The following PCM1 variants were observed in gnomAD, a reference collection of about 807,000 sequenced individuals.
PCM1 encodes the protein pericentriolar material 1 protein.
In PCM1, 157 loss-of-function variants were observed where a neutral mutation model predicts 241.9. The observed-to-expected ratio is 0.65, with a 90% CI of 0.57 to 0.74. The LOEUF is 0.74. Ranked by LOEUF, PCM1 falls within the 30% of genes least tolerant of loss-of-function variation. The pLI is 0.00. For missense variants in PCM1, 3,478 were observed against 2,360.1 expected, an observed-to-expected ratio of 1.47 and a Z score of -9.81; for synonymous variants, 1,085 against 784.9, an observed-to-expected ratio of 1.38 and a Z score of -6.39.
At chr8:18,017,440 T>A (rs533447085) in intron 36 of PCM1, among the ~76,000 whole-genome samples, 1 of 152,234 alleles carries the variant, frequency 6.6e-6, no homozygotes, top group South Asian at 2.1e-4. Context: ...GAGAGAACAT[T>A]AGAACTAGAA....
chr8:17,990,125 T>A, intron 27 of PCM1, 146 bp downstream of exon 27: 2 of 584,536 alleles, frequency 3.4e-6, no homozygotes, highest in Non-Finnish European at 5.4e-6. Flanking sequence ...CAGTCTAAAA[T>A]CAAGAATCTT....
chr8:17,969,553 T>C (rs1337592988), intron 21 of PCM1, 24 bp from the exon 22 acceptor site: 2 of 1,499,574 alleles, frequency 1.3e-6, no homozygotes, highest in Non-Finnish European at 1.8e-6. Context: ...TATTTTTCTC[T>C]TACCCATTGC....
chr8:17,994,385 T>C (rs1025995843), intron 29 of PCM1, among the ~76,000 whole-genome samples: 9 of 152,214 alleles, frequency 5.9e-5, no homozygotes, highest in African/African-American at 2.2e-4. Context: ...TATGGCTGAA[T>C]AGTACTCCAT....
chr8:18,027,164 T>G (rs531761666), intron 38 of PCM1, among the ~76,000 whole-genome samples: 121 of 152,342 alleles, frequency 7.9e-4, no homozygotes, highest in African/African-American at 2.9e-3. Context: ...ACCCTTCAGA[T>G]ATCAGACCTT....
intron 8 of PCM1, among the ~76,000 whole-genome samples, chr8:17,952,316 T>C (rs1048915454): frequency 7.2e-5 from 11 of 152,130 alleles, no homozygotes; most frequent in African/African-American, 2.7e-4. Context: ...AGTTAAAGTT[T>C]ACAGTGGTAG....
rs1418156687 is a variant in PCM1, at chr8:18,005,354, G to GT, written c.4828-907dup. Among the ~76,000 whole-genome samples the GT allele has an allele frequency of 3.8e-4, 40 of 106,156 alleles. 1 individual carries two copies. Among genetic ancestry groups the GT allele is most frequent in the East Asian group, 2.4e-3 (11 of 4,580 alleles). The allele number at this position is 106,156 out of a possible 152,430, so 69.6% of individuals were successfully genotyped here. A position where few individuals can be genotyped will look rare whatever the true frequency, so the allele number is the denominator to read the frequency against. On this transcript the variant is annotated intron_variant, in intron 29 of 38. Coordinates refer to ENST00000325083, the MANE Select transcript of PCM1 (RefSeq NM_006197.4). ...AGACAGGGACAGTTGTGTTGTTGTTGTTGTTTTTTTTTTTTTTTAAATCGC... is the reference window on the plus strand; with the variant it reads ...AGACAGGGACAGTTGTGTTGTTGTTGTTTGTTTTTTTTTTTTTTTAAATCGC...
rs772721321 is a variant in PCM1, at chr8:17,950,665, C to T, written c.1012C>T (p.Leu338=). ...ATCTGGCGTCAGTATCACATCTGAA[C>T]TAAATGAAGAATTGAATGACTTAAT... ...SLSGVSITSE[L]NEELNDLIQR... Residue 338 remains leucine, a synonymous_variant, in exon 8 of 39, where the codon CTA becomes TTA. Transcript: ENST00000325083. 3 of 1,606,224 alleles carry T rather than the reference C, an allele frequency of 1.9e-6. No individual in the cohort carries two copies. The South Asian group carries it at 3.3e-5, about 18-fold the overall frequency.
chr8:18,025,820 T>C (rs369142834), intron 38 of PCM1, among the ~76,000 whole-genome samples, 162 bp downstream of exon 38: 24 of 152,326 alleles, frequency 1.6e-4, no homozygotes, highest in African/African-American at 5.5e-4. Context: ...CAACTATTTA[T>C]AAAACAGTGT....
At chr8:18,009,846 T>A in intron 31 of PCM1, 102 bp downstream of exon 31, 1 of 692,398 alleles carries the variant, frequency 1.4e-6, no homozygotes. Context: ...CAAAAGTAGT[T>A]GTTTTTAGTA....
chr8:17,962,250 CAAGAA>C, intron 16 of PCM1, 76 bp downstream of exon 16: 3 of 1,321,216 alleles, frequency 2.3e-6, no homozygotes, highest in Admixed American at 4.7e-5. Context: ...AGGCACATCT[CAAGAA>C]AGGAAACTGA....
intron 36 of PCM1, among the ~76,000 whole-genome samples, chr8:18,019,411 T>G (rs912643636): frequency 1.3e-5 from 2 of 152,220 alleles, no homozygotes; most frequent in African/African-American, 4.8e-5. Context: ...GGTTTCAGGA[T>G]GATTGAAATG....
At position 17,967,127 on chromosome 8, in the gene PCM1, C is replaced by T; in HGVS notation, c.3369C>T (p.Leu1123=). ...PFSFPTQPVN[L]FNIPGFTNFS... ...GCTTTCCAACACAGCCTGTAAATCTCTTCAATATACCTGGATTTACTAACT... is the reference window on the plus strand; with the variant it reads ...GCTTTCCAACACAGCCTGTAAATCTTTTCAATATACCTGGATTTACTAACT... The change falls in exon 21 of 39, where the codon CTC becomes CTT. Residue 1123 remains leucine, a synonymous_variant. Transcript: ENST00000325083. The T allele has an allele frequency of 3.1e-6, 5 of 1,605,000 alleles. No homozygotes were observed. Among genetic ancestry groups the T allele is most frequent in the Non-Finnish European group, 4.3e-6 (5 of 1,175,190 alleles).
At chr8:17,986,171 G>T in intron 26 of PCM1, 84 bp downstream of exon 26, 3 of 942,254 alleles carry the variant, frequency 3.2e-6, no homozygotes, top group Non-Finnish European at 1.5e-6. Flanking sequence ...TCAAATTGTA[G>T]GTAGACCTAA....
At position 17,938,870 on chromosome 8, in the gene PCM1, C is replaced by G. The variant is rs112918585; in HGVS notation, c.473C>G (p.Thr158Arg). The G allele has an allele frequency of 5.0e-6, 8 of 1,613,736 alleles. No individual in the cohort carries two copies. In the African/African-American group the frequency reaches 5.3e-5, roughly 11 times the overall value. ...ACTAACAAGAGCAAAGATGCATCTA[C>G]AAACCCCCCAAACAGAGAAACGATT... ...INTNKSKDASTNPPNRETIGS... is the reference protein window; with the variant it reads ...INTNKSKDASRNPPNRETIGS... Residue 158 changes from threonine to arginine, a missense_variant, in exon 5 of 39, where the codon ACA becomes AGA. By Grantham distance (71) the Thr-to-Arg change is moderately conservative. Coordinates refer to ENST00000325083, the MANE Select transcript of PCM1 (RefSeq NM_006197.4).
intron 1 of PCM1, among the ~76,000 whole-genome samples, chr8:17,924,046 C>T (rs1409071177): frequency 1.3e-5 from 2 of 151,650 alleles, no homozygotes; most frequent in East Asian, 3.9e-4. Flanking sequence ...GTGTGTCTTA[C>T]GGGTGACGGT....
intron 29 of PCM1, among the ~76,000 whole-genome samples, chr8:18,004,997 C>G (rs1438944717): frequency 1.3e-5 from 2 of 152,122 alleles, no homozygotes; most frequent in Admixed American, 6.5e-5. Context: ...TTTTCCATAT[C>G]TACTGTTACT....
intron 23 of PCM1, among the ~76,000 whole-genome samples, chr8:17,974,464 G>T (rs2077951874): frequency 6.6e-6 from 1 of 152,132 alleles, no homozygotes; most frequent in South Asian, 2.1e-4. Flanking sequence ...ATCTCCTTAG[G>T]AATACAGTTT....
intron 36 of PCM1, among the ~76,000 whole-genome samples, chr8:18,021,063 T>G (rs2283109): frequency 1.3e-5 from 2 of 151,970 alleles, no homozygotes; most frequent in Non-Finnish European, 2.9e-5. Context: ...CTCCACAGAA[T>G]TGACCAAGAT....
rs1419442087 is a variant in PCM1, at chr8:18,009,615, T to C, written c.5031T>C (p.Ser1677=). Residue 1677 remains serine, a synonymous_variant, in exon 31 of 39, where the codon TCT becomes TCC. Transcript: ENST00000325083. ...GAGAAGATCTTCTTGTAGAGATATC[T>C]GAAGTGTTGTTCAATGAATTGGCTT... ...DCGEDLLVEI[S]EVLFNELAFF... 1 of 1,598,906 alleles carries C rather than the reference T, an allele frequency of 6.3e-7. No homozygotes were observed. The highest frequency in any genetic ancestry group is 2.2e-5 in the East Asian group (1 of 44,456).
Sources: allele counts gnomAD v4.1 joint callset (sites outside exome capture counted in the v4.1 genomes callset), GRCh38; gene constraint gnomAD v4.1.1; transcripts MANE v1.5; gene names NCBI Gene and HGNC (gene_info 2026-07-23, HGNC 2026-07-21).